BTNL9: variants seen among roughly 807,000 people sequenced by gnomAD.
BTNL9 encodes the protein butyrophilin-like protein 9.
In BTNL9, 45 loss-of-function variants were observed where a neutral mutation model predicts 45.8. That is an observed-to-expected ratio of 0.98 (90% CI 0.77 to 1.26). The LOEUF is 1.26. BTNL9 is among the 50% of genes most tolerant of loss of function. The pLI, the probability that BTNL9 is intolerant of heterozygous loss-of-function variation, is 0.00. For synonymous variants in BTNL9, 346 were observed against 330.8 expected, an observed-to-expected ratio of 1.05 and a Z score of -0.50; for missense variants, 784 against 729.7, an observed-to-expected ratio of 1.07 and a Z score of -0.86.
chr5:181,041,953 A>G (rs1760794030), intron 1 of BTNL9, among the ~76,000 whole-genome samples: 2 of 152,140 alleles, frequency 1.3e-5, no homozygotes, highest in Admixed American at 1.3e-4. Flanking sequence ...AAATTATCTA[A>G]AAAAATAACA....
chr5:181,049,199 A>G (rs931007793), intron 3 of BTNL9, among the ~76,000 whole-genome samples: 14 of 152,056 alleles, frequency 9.2e-5, no homozygotes, highest in Non-Finnish European at 7.3e-5. Context: ...TGACACAGCA[A>G]TCCCACCTCC....
intron 2 of BTNL9, among the ~76,000 whole-genome samples, chr5:181,047,224 C>T (rs1042216467): frequency 9.2e-5 from 14 of 152,096 alleles, no homozygotes; most frequent in African/African-American, 3.4e-4. Flanking sequence ...GAACTGCAGA[C>T]AACAGACCAG....
intron 9 of BTNL9, chr5:181,056,522 TTCC>T (rs1761892316): frequency 1.4e-6 from 1 of 717,098 alleles, no homozygotes; most frequent in Non-Finnish European, 2.6e-6. Context: ...CAGTCTGTTT[TTCC>T]TCCTTACTGC....
intron 3 of BTNL9, among the ~76,000 whole-genome samples, chr5:181,048,834 AATTAT>A (rs1761366228): frequency 7.2e-6 from 1 of 139,530 alleles, no homozygotes; most frequent in Non-Finnish European, 1.5e-5. Flanking sequence ...AATATTATAT[AATTAT>A]ATTAGTTATA....
In BTNL9 at chr5:181,053,601, G is replaced by A; in HGVS notation, c.886+100G>A. 2 of 1,549,096 alleles carry A rather than the reference G, an allele frequency of 1.3e-6. No individual in the cohort carries two copies. Among genetic ancestry groups the A allele is most frequent in the East Asian group, 2.4e-5 (1 of 40,880 alleles). On this transcript the variant is annotated intron_variant, in intron 6 of 10. Transcript: ENST00000327705. This position sits in a 1 kb window ranked among gnomAD's most constrained non-coding sequence, Gnocchi z 6.5. Reference sequence around the variant, plus strand: ...CCGTTACGAGGGTTTATTCCAGCGCGAGGTGTCAGGGCGGCCACCGGGGAA... The same window carrying A: ...CCGTTACGAGGGTTTATTCCAGCGCAAGGTGTCAGGGCGGCCACCGGGGAA...
intron 4 of BTNL9, among the ~76,000 whole-genome samples, chr5:181,052,627 C>G (rs1322869020): frequency 6.6e-6 from 1 of 152,250 alleles, no homozygotes; most frequent in Non-Finnish European, 1.5e-5. Flanking sequence ...CTGCGCGTCC[C>G]TGCGCCGCTG....
At position 181,050,318 on chromosome 5, in the gene BTNL9, A is replaced by C. The variant is rs765994091; in HGVS notation, c.685A>C (p.Ile229Leu). The change falls in exon 4 of 11, where the codon ATC becomes CTC. Residue 229 changes from isoleucine to leucine, a missense_variant. Physicochemically the swap from Ile to Leu is conservative, Grantham distance 5 (BLOSUM62 2). Transcript: ENST00000327705. The surrounding 1 kb of genome is among the most constrained non-coding windows in gnomAD (Gnocchi z 4.9). ...AGCCCTCAGCAATGTGTCCGTCTCC[A>C]TCCAGAATCTCCTCTTGAGCCAGAA... Reference protein sequence around the residue: ...AGALSNVSVSIQNLLLSQKKE... With the variant: ...AGALSNVSVSLQNLLLSQKKE... 1.2e-6 allele frequency: 2 copies of C among 1,614,108 alleles called. No homozygotes were observed. Among genetic ancestry groups the C allele is most frequent in the Non-Finnish European group, 1.7e-6 (2 of 1,180,026 alleles).
intron 2 of BTNL9, among the ~76,000 whole-genome samples, chr5:181,047,154 TGTGGG>T (rs1208029773): frequency 6.6e-6 from 1 of 152,094 alleles, no homozygotes; most frequent in Admixed American, 6.5e-5. Context: ...AGTGAGTGCC[TGTGGG>T]GTGGCAGGGA....
In BTNL9 at chr5:181,059,697, G is replaced by T; in HGVS notation, c.1443G>T (p.Ala481=). The change falls in exon 11 of 11, where the codon GCG becomes GCT. Residue 481 remains alanine (A), a synonymous_variant. Transcript: ENST00000327705. The part of the protein sequence containing the change: ...IFTFHDTFSG[A]LCAYFRPRAH... ...CCTTCCACGACACCTTCTCGGGCGC[G>T]CTCTGTGCGTACTTCAGGCCCAGGG... The T allele has an allele frequency of 6.2e-7, 1 of 1,613,602 alleles. No individual in the cohort carries two copies. Among genetic ancestry groups the T allele is most frequent in the African/African-American group, 1.3e-5 (1 of 75,052 alleles).
In BTNL9 at chr5:181,059,318, C is replaced by G. The variant is rs1247544270; in HGVS notation, c.1064C>G (p.Ala355Gly). 1.9e-6 allele frequency: 3 copies of G among 1,555,202 alleles called. No individual in the cohort carries two copies. The highest frequency in any genetic ancestry group is 1.7e-6 in the Non-Finnish European group (2 of 1,155,586). ...EDGKSVSSRG[A>G]PPGPAPGHPQ... Reference sequence around the variant, plus strand: ...GGCAAGAGCGTGTCTTCCCGCGGGGCGCCGCCAGGCCCGGCGCCTGGCCAC... The same window carrying G: ...GGCAAGAGCGTGTCTTCCCGCGGGGGGCCGCCAGGCCCGGCGCCTGGCCAC... The change falls in exon 11 of 11, where the codon GCG (alanine) becomes GGG (glycine). Residue 355 changes from alanine (A) to glycine (G), a missense_variant. Coordinates refer to ENST00000327705, the MANE Select transcript of BTNL9 (RefSeq NM_152547.5).
intron 9 of BTNL9, chr5:181,056,587 C>T (rs1275777275): frequency 1.4e-6 from 1 of 717,488 alleles, no homozygotes; most frequent in South Asian, 1.5e-5. Flanking sequence ...TCCAGGCTGC[C>T]TCTAACTCCA....
rs1554158234 is a variant in BTNL9, at chr5:181,054,231, T to TTC, written c.887-4_887-3dup. 3.7e-6 allele frequency: 6 copies of TTC among 1,612,506 alleles called. No homozygotes were observed. The South Asian group carries it at 6.6e-5, about 18-fold the overall frequency. On this transcript the variant is annotated splice_region_variant and splice_polypyrimidine_tract_variant and intron_variant, in intron 6 of 10. Transcript: ENST00000327705. ...TTTTCTTCATCTTTTTTTTTTTTTT[T>TTC]TCTCTAGAGAAACTCACTGCAGAGC...
rs941108786 is a variant in BTNL9 at position 181,042,208 on chromosome 5, C to T, written c.-24+1776C>T. 7.9e-5 allele frequency among the ~76,000 whole-genome samples: 12 copies of T among 152,184 alleles called. No homozygotes were observed. The highest frequency in any genetic ancestry group is 1.3e-4 in the Admixed American group (2 of 15,280). ...ACCCCTTATTTCTCCCTGTGCCTTC[C>T]GGAGGGAGCAGCCCAAGGCTCCTGG... is the stretch of plus-strand genomic sequence containing the variant. On this transcript the variant is annotated intron_variant, in intron 1 of 10. Transcript: ENST00000327705. This position sits in a 1 kb window ranked among gnomAD's most constrained non-coding sequence, Gnocchi z 4.5.
At position 181,050,495 on chromosome 5, in the gene BTNL9, C is replaced by G; in HGVS notation, c.736+126C>G. 8.3e-7 allele frequency: 1 copy of G among 1,206,244 alleles called. No individual in the cohort carries two copies. Among genetic ancestry groups the G allele is most frequent in the Non-Finnish European group, 1.2e-6 (1 of 857,052 alleles). The allele number at this position is 1,206,244 out of a possible 1,614,324, so 74.7% of individuals were successfully genotyped here. A position where few individuals can be genotyped will look rare whatever the true frequency, so the allele number is the denominator to read the frequency against. On this transcript the variant is annotated intron_variant, in intron 4 of 10. Transcript: ENST00000327705. This position sits in a 1 kb window ranked among gnomAD's most constrained non-coding sequence, Gnocchi z 4.9. ...TGCATATAGGGTGTGTTGGCCTTGA[C>G]ACCTGAAAAGTCAGCACCTTGGATA...
chr5:181,059,104 G>A, intron 10 of BTNL9, 133 bp from the exon 11 acceptor site: 4 of 1,379,002 alleles, frequency 2.9e-6, no homozygotes, highest in Non-Finnish European at 3.8e-6. Flanking sequence ...GTTTGCAGGG[G>A]TGAGGGTCGG....
chr5:181,055,777 A>AG lies in BTNL9; in HGVS notation c.929-212_929-211insG, dbSNP rs1761848678. ...GAGCGAGACTCTGTCTCAAAAAAAA[A>AG]AAGAACTATTTCTCCTCATTCATCA... On this transcript the variant is annotated intron_variant, in intron 8 of 10. Transcript: ENST00000327705. This position sits in a 1 kb window ranked among gnomAD's most constrained non-coding sequence, Gnocchi z 4.4. 1 of 725,838 alleles carries AG rather than the reference A, an allele frequency of 1.4e-6. No homozygotes were observed. Among genetic ancestry groups the AG allele is most frequent in the East Asian group, 2.7e-5 (1 of 37,498 alleles). 45.0% of individuals were successfully genotyped at this position (725,838 alleles called of 1,614,324 possible).
At position 181,060,139 on chromosome 5, in the gene BTNL9, G is replaced by A. The variant is rs964911976; in HGVS notation, c.*277G>A. On this transcript the variant is annotated 3_prime_UTR_variant, in exon 11 of 11. Transcript: ENST00000327705. ...AGAGCTGGGGTGCTCACGGTGGGCGGTGGGCAAGAAGCCAGCATGGAAGAA... is the reference window on the plus strand; with the variant it reads ...AGAGCTGGGGTGCTCACGGTGGGCGATGGGCAAGAAGCCAGCATGGAAGAA... 17 of 424,518 alleles carry A rather than the reference G, an allele frequency of 4.0e-5. No homozygotes were observed. The highest frequency in any genetic ancestry group is 7.0e-5 in the Non-Finnish European group (17 of 241,956). 26.3% of individuals were successfully genotyped at this position (424,518 alleles called of 1,614,324 possible).
rs775404752 is a variant in BTNL9 at position 181,045,634 on chromosome 5, A to C, written c.109+36A>C. On this transcript the variant is annotated intron_variant, in intron 2 of 10. Coordinates refer to ENST00000327705, the MANE Select transcript of BTNL9 (RefSeq NM_152547.5). ...TGCAGCCTAGCTGGCCAGGATGTGA[A>C]CGCCACCCCTCCTGCCAGGTGCTCC... is the stretch of plus-strand genomic sequence containing the variant. The C allele has an allele frequency of 5.3e-6, 8 of 1,521,884 alleles. No individual in the cohort carries two copies. In the South Asian group the frequency reaches 6.7e-5, roughly 13 times the overall value. The allele number at this position is 1,521,884 out of a possible 1,614,324, so 94.3% of individuals were successfully genotyped here. A position where few individuals can be genotyped will look rare whatever the true frequency, so the allele number is the denominator to read the frequency against.
intron 2 of BTNL9, among the ~76,000 whole-genome samples, chr5:181,046,374 A>G (rs969209438): frequency 2.0e-5 from 3 of 151,898 alleles, no homozygotes; most frequent in African/African-American, 7.3e-5. Context: ...TCCGAAATCC[A>G]CAGGCATAGC....
Sources: allele counts gnomAD v4.1 joint callset (sites outside exome capture counted in the v4.1 genomes callset), GRCh38; gene constraint gnomAD v4.1.1; non-coding constraint Gnocchi (gnomAD v3.1); transcripts MANE v1.5; gene names NCBI Gene and HGNC (gene_info 2026-07-23, HGNC 2026-07-21).